The following PAX5 variants were observed in gnomAD, a reference collection of about 807,000 sequenced individuals.
PAX5 encodes the protein paired box 5, also known as paired box protein Pax-5.
In PAX5, 9 loss-of-function variants were observed where a neutral mutation model predicts 43.7. The observed-to-expected ratio is 0.21, with a 90% confidence interval of 0.12 to 0.36. The LOEUF (loss-of-function observed/expected upper bound fraction) is 0.36. Among genes scored for constraint, PAX5 ranks in the 10% least tolerant of loss-of-function variants. The pLI, the probability that PAX5 is intolerant of heterozygous loss-of-function variation, is 1.00. For missense variants in PAX5, 383 were observed against 532.7 expected, an observed-to-expected ratio of 0.72 and a Z score of 2.77; for synonymous variants, 228 against 214.3, an observed-to-expected ratio of 1.06 and a Z score of -0.56.
chr9:37,011,413 G>A (rs1185626572), intron 3 of PAX5, among the ~76,000 whole-genome samples: 1 of 152,144 alleles, frequency 6.6e-6, no homozygotes, highest in Non-Finnish European at 1.5e-5. Context: ...CAACCAGTTG[G>A]TACTAAATAG....
At chr9:36,913,773 GT>G (rs1829504801) in intron 7 of PAX5, among the ~76,000 whole-genome samples, 2 of 152,194 alleles carry the variant, frequency 1.3e-5, no homozygotes, top group African/African-American at 4.8e-5. Flanking sequence ...GAAGCCATCT[GT>G]TCCCCAGACC....
intron 6 of PAX5, among the ~76,000 whole-genome samples, chr9:36,942,804 G>T (rs766015707): frequency 9.9e-5 from 15 of 152,246 alleles, no homozygotes; most frequent in Non-Finnish European, 2.1e-4. Flanking sequence ...CAGAGGAGTT[G>T]CTAGAGGTTG....
chr9:37,030,452 C>T (rs1439847273), intron 1 of PAX5, among the ~76,000 whole-genome samples: 1 of 152,208 alleles, frequency 6.6e-6, no homozygotes, highest in Non-Finnish European at 1.5e-5. Flanking sequence ...CCACGAGCCG[C>T]AGCCTGGGTC....
At chr9:36,929,233 AGGAGGAAGGAAGGAAG>A (rs1241667453) in intron 6 of PAX5, among the ~76,000 whole-genome samples, 1 of 137,282 alleles carries the variant, frequency 7.3e-6, no homozygotes, top group Non-Finnish European at 1.5e-5. Flanking sequence ...GAAGGAAGGA[AGGAGGAAGGAAGGAAG>A]GAAGGAAGGA....
intron 7 of PAX5, among the ~76,000 whole-genome samples, chr9:36,905,345 G>A (rs757967539): frequency 4.6e-5 from 7 of 152,220 alleles, no homozygotes; most frequent in Non-Finnish European, 8.8e-5. Flanking sequence ...CCATAGTCCC[G>A]TAAGGGAAGA....
At chr9:36,990,676 T>C (rs1460994772) in intron 5 of PAX5, among the ~76,000 whole-genome samples, 1 of 152,212 alleles carries the variant, frequency 6.6e-6, no homozygotes. Context: ...AATGAGCAGA[T>C]TCAATGGATA....
chr9:36,947,013 G>T (rs976403708), intron 6 of PAX5, among the ~76,000 whole-genome samples: 2 of 152,198 alleles, frequency 1.3e-5, no homozygotes, highest in Admixed American at 1.3e-4. Flanking sequence ...GAATAGTGCT[G>T]CCCCCAGGGC....
intron 5 of PAX5, among the ~76,000 whole-genome samples, chr9:36,992,303 TCATTCCCAATCAATAG>T (rs1317477137): frequency 2.6e-5 from 4 of 152,248 alleles, no homozygotes; most frequent in Non-Finnish European, 4.4e-5. Flanking sequence ...TTATTTTGTT[TCATTCCCAATCAATAG>T]CATTGCTAGG....
rs1826149637 is a variant in PAX5, at chr9:36,878,860, GA to G, written c.1012+3143del. On this transcript the variant is annotated intron_variant, in intron 8 of 9. Coordinates refer to ENST00000358127, the MANE Select transcript of PAX5 (RefSeq NM_016734.3). ...ACTAAGGGCTGTGCGGCTGAGCTTG[GA>G]ATCCCAGCCCTGACGCCAGGCATGG... Among the ~76,000 whole-genome samples the G allele has an allele frequency of 5.9e-5, 9 of 152,368 alleles. No homozygotes were observed. The South Asian group carries it at 1.9e-3, about 32-fold the overall frequency.
chr9:36,868,298 A>G (rs1825096078), intron 8 of PAX5, among the ~76,000 whole-genome samples: 1 of 152,202 alleles, frequency 6.6e-6, no homozygotes, highest in Non-Finnish European at 1.5e-5. Flanking sequence ...AATCCCACCC[A>G]CAGCTACTGA....
At chr9:36,896,088 T>C (rs895309879) in intron 7 of PAX5, among the ~76,000 whole-genome samples, 1 of 152,166 alleles carries the variant, frequency 6.6e-6, no homozygotes, top group African/African-American at 2.4e-5. Context: ...GATCAGCTAA[T>C]GCTGCAGAGA....
intron 7 of PAX5, among the ~76,000 whole-genome samples, chr9:36,922,157 C>T (rs1830223897): frequency 2.0e-5 from 3 of 152,262 alleles, no homozygotes; most frequent in African/African-American, 7.2e-5. Context: ...CCCTTCAGCC[C>T]AGGTCTCGGA....
chr9:36,929,194 GA>G (rs1830903650), intron 6 of PAX5, among the ~76,000 whole-genome samples: 1 of 150,630 alleles, frequency 6.6e-6, no homozygotes, highest in Non-Finnish European at 1.5e-5. Flanking sequence ...TGAACTGACA[GA>G]AAAAGAAAGA....
chr9:36,911,826 C>T (rs958592003), intron 7 of PAX5, among the ~76,000 whole-genome samples: 13 of 152,214 alleles, frequency 8.5e-5, no homozygotes, highest in African/African-American at 2.9e-4. Context: ...GAGGAAAACC[C>T]CAAAGCCACT....
At chr9:36,869,654 A>G (rs2131696456) in intron 8 of PAX5, among the ~76,000 whole-genome samples, 3 of 152,372 alleles carry the variant, frequency 2.0e-5, no homozygotes, top group Admixed American at 2.0e-4. Context: ...TGTTACCACA[A>G]CTGGCCCCCA....
chr9:36,960,202 G>A (rs1462431437), intron 6 of PAX5, among the ~76,000 whole-genome samples: 2 of 152,200 alleles, frequency 1.3e-5, no homozygotes, highest in Non-Finnish European at 2.9e-5. Flanking sequence ...GTTCCAGGCA[G>A]GGAAGCAGTG....
intron 7 of PAX5, among the ~76,000 whole-genome samples, chr9:36,889,432 G>A (rs536599387): frequency 6.6e-6 from 1 of 152,328 alleles, no homozygotes; most frequent in South Asian, 2.1e-4. Flanking sequence ...ACTCTGCTTT[G>A]TAAATATAGA....
chr9:36,949,186 A>G (rs1259750868), intron 6 of PAX5, among the ~76,000 whole-genome samples: 5 of 151,920 alleles, frequency 3.3e-5, no homozygotes, highest in East Asian at 1.9e-4. Flanking sequence ...TCAGCCTCCC[A>G]AGCAGCTGGG....
chr9:36,926,408 T>C (rs1830642514), intron 6 of PAX5, among the ~76,000 whole-genome samples: 1 of 152,254 alleles, frequency 6.6e-6, no homozygotes, highest in Non-Finnish European at 1.5e-5. Context: ...GAGATTAAGA[T>C]GTACTTCTTG....
Sources: gnomAD v4.1 joint callset for allele counts (sites outside exome capture counted in the v4.1 genomes callset) on GRCh38, gnomAD v4.1.1 for gene constraint, MANE v1.5 for transcripts, NCBI Gene and HGNC (gene_info 2026-07-23, HGNC 2026-07-21) for gene names.